Variants in CYTH4 observed in about 807,000 individuals in gnomAD.
The protein encoded by CYTH4 is cytohesin-4.
In CYTH4, 22 loss-of-function variants were observed where a neutral mutation model predicts 57.5. The ratio of observed to expected loss-of-function variants is 0.38; its 90% CI spans 0.27 to 0.55. CYTH4 has a LOEUF of 0.55. Among genes scored for constraint, CYTH4 ranks in the 20% least tolerant of loss-of-function variants. CYTH4 has a pLI of 0.74. For synonymous variants in CYTH4, 186 were observed against 206.5 expected (o/e 0.90, Z 0.85); for missense variants, 420 against 535.6 (o/e 0.78, Z 2.13).
At position 37,295,270 on chromosome 22, in the gene CYTH4, C is replaced by T. The variant is rs1451153133; in HGVS notation, c.167+546C>T. 1.3e-5 allele frequency among the ~76,000 whole-genome samples: 2 copies of T among 152,002 alleles called. No homozygotes were observed. The highest frequency in any genetic ancestry group is 2.9e-5 in the Non-Finnish European group (2 of 67,984). On this transcript the variant is annotated intron_variant, in intron 3 of 12. Transcript: ENST00000248901. The surrounding 1 kb of genome is among the most constrained non-coding windows in gnomAD (Gnocchi z 4.1). ...GGTTGCTACACAGTCTCCTAAGGCC[C>T]CAGTGCACTGACTCTGACACACGAT...
chr22:37,300,969 C>T lies in CYTH4; in HGVS notation c.497C>T (p.Ala166Val), dbSNP rs370501719. The T allele has an allele frequency of 9.5e-5, 153 of 1,614,094 alleles. No individual in the cohort carries two copies. The highest frequency in any genetic ancestry group is 1.2e-4 in the Non-Finnish European group (142 of 1,180,042). ...EAQKIDRMME[A>V]FATRYCLCNP... ...CAGAAGATAGACCGGATGATGGAGG[C>T]CTTTGCCACTCGATACTGCCTCTGC... Residue 166 changes from alanine to valine, a missense_variant, in exon 7 of 13, where the codon GCC (alanine) becomes GTC (valine). Physicochemically the swap from Ala to Val is moderately conservative, Grantham distance 64. Coordinates refer to ENST00000248901, the MANE Select transcript of CYTH4 (RefSeq NM_013385.5).
chr22:37,285,875 CAT>C (rs1207121641), intron 1 of CYTH4, among the ~76,000 whole-genome samples: 2 of 152,212 alleles, frequency 1.3e-5, no homozygotes, highest in African/African-American at 4.8e-5. Context: ...TCATCACCCT[CAT>C]GTGGGTTCAG....
At chr22:37,301,455 G>A (rs572887795) in intron 7 of CYTH4, among the ~76,000 whole-genome samples, 1 of 152,212 alleles carries the variant, frequency 6.6e-6, no homozygotes, top group South Asian at 2.1e-4. Context: ...TGGGCAGGGT[G>A]TAGGGGGCAA....
intron 1 of CYTH4, among the ~76,000 whole-genome samples, chr22:37,290,886 A>G (rs1928726571): frequency 1.3e-5 from 2 of 152,124 alleles, no homozygotes; most frequent in African/African-American, 4.8e-5. Context: ...GGCTGAGGCT[A>G]GTGTCTGGGG....
intron 8 of CYTH4, among the ~76,000 whole-genome samples, chr22:37,308,778 GTGTGTA>G (rs1318428311): frequency 6.6e-6 from 1 of 151,772 alleles, no homozygotes; most frequent in African/African-American, 2.4e-5. Flanking sequence ...GTGCCTGCAT[GTGTGTA>G]TGTGTGTGAA....
rs369723358 is a variant in CYTH4, at chr22:37,303,249, C to T, written c.548-5C>T. ...CCAGAACTGTGACCGCTGTCCCCTC[C>T]GCAGACACCTGCTACGTGTTGTCCT... is the stretch of plus-strand genomic sequence containing the variant. On this transcript the variant is annotated splice_polypyrimidine_tract_variant and splice_region_variant and intron_variant, in intron 7 of 12. Coordinates refer to ENST00000248901, the MANE Select transcript of CYTH4 (RefSeq NM_013385.5). 5.0e-6 allele frequency: 8 copies of T among 1,614,054 alleles called. No individual in the cohort carries two copies. In the East Asian group the frequency reaches 6.7e-5, roughly 13 times the overall value.
intron 8 of CYTH4, among the ~76,000 whole-genome samples, chr22:37,308,735 TATGC>T (rs1004367611): frequency 1.7e-3 from 263 of 151,946 alleles, no homozygotes; most frequent in Non-Finnish European, 3.0e-3. Context: ...TATGTATGAG[TATGC>T]ATGCATGTGT....
intron 2 of CYTH4, among the ~76,000 whole-genome samples, chr22:37,294,170 G>C (rs767391028): frequency 6.3e-4 from 89 of 140,704 alleles, no homozygotes; most frequent in Non-Finnish European, 9.5e-4. Context: ...AGGCGGGCAG[G>C]GTGGAGGTGG....
chr22:37,286,680 G>A (rs556521680), intron 1 of CYTH4, among the ~76,000 whole-genome samples: 1 of 152,266 alleles, frequency 6.6e-6, no homozygotes, highest in African/African-American at 2.4e-5. Flanking sequence ...AGGAATGGTG[G>A]TGCAAAGGCT....
chr22:37,299,217 C>T lies in CYTH4; in HGVS notation c.354-9C>T, dbSNP rs1929089003. 3 of 1,611,872 alleles carry T rather than the reference C, an allele frequency of 1.9e-6. No individual in the cohort carries two copies. Among genetic ancestry groups the T allele is most frequent in the Non-Finnish European group, 2.5e-6 (3 of 1,178,152 alleles). ...TGTGTCCCACCCTCCCTTCCGCCTC[C>T]TCCCCCAGGGATCCCATCAACCTGC... On this transcript the variant is annotated splice_polypyrimidine_tract_variant and intron_variant, in intron 5 of 12. Coordinates refer to ENST00000248901, the MANE Select transcript of CYTH4 (RefSeq NM_013385.5).
At chr22:37,283,004 T>A (rs1928420140) in intron 1 of CYTH4, among the ~76,000 whole-genome samples, 1 of 152,184 alleles carries the variant, frequency 6.6e-6, no homozygotes, top group South Asian at 2.1e-4. Context: ...GGAACAAACA[T>A]TCCAGCCAGA....
At chr22:37,310,118 C>A (rs1303403469) in intron 9 of CYTH4, 4 of 422,868 alleles carry the variant, frequency 9.5e-6, no homozygotes, top group Admixed American at 5.2e-5. Context: ...TCCTGTCTAC[C>A]AAGCCCCGTG....
At chr22:37,308,999 G>A (rs1397878166) in intron 8 of CYTH4, among the ~76,000 whole-genome samples, 5 of 152,088 alleles carry the variant, frequency 3.3e-5, no homozygotes, top group African/African-American at 9.7e-5. Context: ...GCGGGGTGGC[G>A]GGGTGGCAGG....
chr22:37,300,269 G>T (rs1007877780), intron 6 of CYTH4: 3 of 715,102 alleles, frequency 4.2e-6, no homozygotes, highest in Non-Finnish European at 5.2e-6. Context: ...TTAAGGGAGA[G>T]GGGTAGGTGA....
intron 7 of CYTH4, among the ~76,000 whole-genome samples, chr22:37,302,679 G>A (rs899698287): frequency 3.3e-5 from 5 of 152,078 alleles, no homozygotes; most frequent in Non-Finnish European, 5.9e-5. Flanking sequence ...CTGGATCCAG[G>A]GCCCAAATAC....
At chr22:37,283,016 G>A (rs1204550679) in intron 1 of CYTH4, among the ~76,000 whole-genome samples, 1 of 152,228 alleles carries the variant, frequency 6.6e-6, no homozygotes, top group Non-Finnish European at 1.5e-5. Context: ...CCAGCCAGAA[G>A]GAACAGCCAG....
chr22:37,307,747 A>G (rs1306258272), intron 8 of CYTH4, among the ~76,000 whole-genome samples: 1 of 152,256 alleles, frequency 6.6e-6, no homozygotes, highest in Non-Finnish European at 1.5e-5. Context: ...ATCCTCTGAG[A>G]TAACACTGCG....
chr22:37,294,035 A>G (rs55920305), intron 2 of CYTH4, among the ~76,000 whole-genome samples: 5,776 of 151,254 alleles, frequency 0.038, 373 homozygotes, highest in African/African-American at 0.13. Flanking sequence ...AACATAGTAA[A>G]TGGAGGAAAG....
At position 37,313,736 on chromosome 22, in the gene CYTH4, A is replaced by G; in HGVS notation, c.*225A>G. On this transcript the variant is annotated 3_prime_UTR_variant, in exon 13 of 13. Transcript: ENST00000248901. Reference sequence around the variant, plus strand: ...ATGAGGCCCCCTGGCCTGGGCACCCAGCTGCAGGCCCCTGCCCTACGTGCA... The same window carrying G: ...ATGAGGCCCCCTGGCCTGGGCACCCGGCTGCAGGCCCCTGCCCTACGTGCA... 1 of 571,582 alleles carries G rather than the reference A, an allele frequency of 1.7e-6. No homozygotes were observed. The highest frequency in any genetic ancestry group is 2.9e-5 in the East Asian group (1 of 34,104). 35.4% of individuals were successfully genotyped at this position (571,582 alleles called of 1,614,324 possible).
Sources: gnomAD v4.1 joint callset for allele counts (sites outside exome capture counted in the v4.1 genomes callset) on GRCh38, gnomAD v4.1.1 for gene constraint, Gnocchi (gnomAD v3.1) non-coding constraint, MANE v1.5 for transcripts, NCBI Gene and HGNC (gene_info 2026-07-23, HGNC 2026-07-21) for gene names.